The following WDR49 variants were observed in gnomAD, a reference collection of about 807,000 sequenced individuals.
WDR49 encodes the protein cilia- and flagella-associated protein 337.
Under a neutral mutation model 119.5 loss-of-function variants are expected in WDR49, and 107 were observed. The observed-to-expected ratio is 0.90, with a 90% CI of 0.77 to 1.05. The LOEUF is 1.05. WDR49 is among the 50% of genes least tolerant of loss of function. The pLI, the probability that WDR49 is intolerant of heterozygous loss-of-function variation, is 0.00. For synonymous variants in WDR49, 425 were observed against 418.8 expected (o/e 1.01, Z -0.18); for missense variants, 1,240 against 1,220.5 (o/e 1.02, Z -0.24).
At position 167,653,453 on chromosome 3, in the gene WDR49, T is replaced by G; in HGVS notation, c.-28A>C. On this transcript the variant is annotated 5_prime_UTR_variant, in exon 2 of 19. Coordinates refer to ENST00000682715, the MANE Select transcript of WDR49 (RefSeq NM_001366157.1). Reference sequence around the variant, plus strand: ...TGGCTTCACCTTTTCTCAGTTGCCTTCAACTATTTCTATAAGGATGGATCT... The same window carrying G: ...TGGCTTCACCTTTTCTCAGTTGCCTGCAACTATTTCTATAAGGATGGATCT... 6.8e-7 allele frequency: 1 copy of G among 1,461,418 alleles called. No homozygotes were observed. The highest frequency in any genetic ancestry group is 9.0e-7 in the Non-Finnish European group (1 of 1,114,106). 90.5% of individuals were successfully genotyped at this position (1,461,418 alleles called of 1,614,324 possible).
intron 10 of WDR49, among the ~76,000 whole-genome samples, chr3:167,550,005 G>A (rs1712454044): frequency 6.6e-6 from 1 of 152,148 alleles, no homozygotes; most frequent in African/African-American, 2.4e-5. Context: ...GATGGTTGTA[G>A]ATGTGTGGTA....
chr3:167,597,640 G>A (rs955091769), intron 7 of WDR49, among the ~76,000 whole-genome samples: 1 of 152,158 alleles, frequency 6.6e-6, no homozygotes, highest in Non-Finnish European at 1.5e-5. Flanking sequence ...AGAGCCACAG[G>A]AGCAAATCTC....
chr3:167,606,607 A>G (rs528300153), intron 5 of WDR49, among the ~76,000 whole-genome samples: 1 of 152,352 alleles, frequency 6.6e-6, no homozygotes, highest in African/African-American at 2.4e-5. Context: ...AGGAGAGAAC[A>G]GGATACAAAG....
intron 5 of WDR49, among the ~76,000 whole-genome samples, chr3:167,617,364 T>A (rs1716647190): frequency 6.6e-6 from 1 of 152,034 alleles, no homozygotes; most frequent in East Asian, 1.9e-4. Flanking sequence ...CTGTCTCTAC[T>A]AAAAATACAA....
At chr3:167,508,776 T>A (rs1003078038) in intron 16 of WDR49, among the ~76,000 whole-genome samples, 2 of 152,234 alleles carry the variant, frequency 1.3e-5, no homozygotes, top group Non-Finnish European at 2.9e-5. Context: ...GGATAGTTAT[T>A]GCCAGATTGT....
rs140917010 is a variant in WDR49 at position 167,534,292 on chromosome 3, T to C, written c.1955-1315A>G. Among the ~76,000 whole-genome samples the C allele has an allele frequency of 3.9e-5, 6 of 152,310 alleles. No individual in the cohort carries two copies. In the East Asian group the frequency reaches 9.7e-4, roughly 25 times the overall value. On this transcript the variant is annotated intron_variant, in intron 11 of 18. Coordinates refer to ENST00000682715, the MANE Select transcript of WDR49 (RefSeq NM_001366157.1). The stretch of plus-strand genomic sequence containing the variant: ...GTCCATAGAAATATCCATCTTCTCC[T>C]ATGCTTTACTAGCAGTGACTGACCA...
intron 3 of WDR49, among the ~76,000 whole-genome samples, chr3:167,624,975 C>A (rs1559922028): frequency 6.6e-6 from 1 of 151,976 alleles, no homozygotes; most frequent in Admixed American, 6.6e-5. Flanking sequence ...TCCTGGGTGA[C>A]TGAGGGCAAA....
rs531571460 is a variant in WDR49, at chr3:167,646,388, G to C, written c.165+6873C>G. ...TTTGGCCTCTGGGTTCTAAGACATG[G>C]GCAGTCTGATGTGTTTATAGTGGGA... On this transcript the variant is annotated intron_variant, in intron 2 of 18. Coordinates refer to ENST00000682715, the MANE Select transcript of WDR49 (RefSeq NM_001366157.1). 7.9e-5 allele frequency among the ~76,000 whole-genome samples: 12 copies of C among 152,250 alleles called. No individual in the cohort carries two copies. The South Asian group carries it at 2.5e-3, about 32-fold the overall frequency.
intron 7 of WDR49, among the ~76,000 whole-genome samples, chr3:167,587,324 G>C (rs1230007868): frequency 2.6e-5 from 4 of 152,044 alleles, no homozygotes; most frequent in African/African-American, 9.7e-5. Context: ...AATCTAACTA[G>C]GGCATCATAA....
intron 9 of WDR49, among the ~76,000 whole-genome samples, chr3:167,559,534 A>G (rs1202611652): frequency 2.6e-5 from 4 of 152,258 alleles, no homozygotes; most frequent in Non-Finnish European, 4.4e-5. Flanking sequence ...ATATAAAATC[A>G]TGTAAGTTTA....
At chr3:167,639,773 A>G (rs915379703) in intron 2 of WDR49, among the ~76,000 whole-genome samples, 2 of 151,664 alleles carry the variant, frequency 1.3e-5, no homozygotes, top group East Asian at 3.9e-4. Context: ...ACTTCAACCA[A>G]TCTCTGGTAA....
intron 8 of WDR49, among the ~76,000 whole-genome samples, chr3:167,572,454 G>C (rs1713986658): frequency 6.6e-6 from 1 of 152,162 alleles, no homozygotes; most frequent in Non-Finnish European, 1.5e-5. Flanking sequence ...CACAAGGGAA[G>C]GTTTTCATTA....
At chr3:167,626,133 T>C (rs2108326478) in intron 3 of WDR49, among the ~76,000 whole-genome samples, 1 of 152,104 alleles carries the variant, frequency 6.6e-6, no homozygotes, top group South Asian at 2.1e-4. Flanking sequence ...TTGGCTATGC[T>C]AAAATAGAGA....
intron 10 of WDR49, among the ~76,000 whole-genome samples, chr3:167,553,517 C>T (rs1046636347): frequency 2.6e-5 from 4 of 152,060 alleles, no homozygotes; most frequent in African/African-American, 9.7e-5. Flanking sequence ...ATGGCATTGC[C>T]AAGTTTTGAC....
intron 16 of WDR49, among the ~76,000 whole-genome samples, chr3:167,508,780 A>C (rs1201664615): frequency 6.6e-6 from 1 of 152,210 alleles, no homozygotes; most frequent in African/African-American, 2.4e-5. Context: ...AGTTATTGCC[A>C]GATTGTTGGT....
chr3:167,597,661 G>A (rs1430982432), intron 7 of WDR49, among the ~76,000 whole-genome samples: 1 of 152,118 alleles, frequency 6.6e-6, no homozygotes. Flanking sequence ...CCTACTCAAG[G>A]CCAGGGAGCC....
chr3:167,575,584 G>A (rs1160881865), intron 8 of WDR49, among the ~76,000 whole-genome samples: 1 of 152,198 alleles, frequency 6.6e-6, no homozygotes, highest in Non-Finnish European at 1.5e-5. Flanking sequence ...GGTGTTCATA[G>A]AATTTTACAA....
At chr3:167,616,144 G>T (rs1255347160) in intron 5 of WDR49, among the ~76,000 whole-genome samples, 1 of 152,144 alleles carries the variant, frequency 6.6e-6, no homozygotes, top group African/African-American at 2.4e-5. Flanking sequence ...TGTTTTTTGG[G>T]TGAATATCAC....
At chr3:167,654,890 C>A (rs544275974), upstream of WDR49, among the ~76,000 whole-genome samples, 9 of 151,340 alleles carry the variant, frequency 5.9e-5, no homozygotes, top group East Asian at 1.4e-3. Flanking sequence ...CAGAATGAGA[C>A]CCTGTCTCAA....
Sources: allele counts gnomAD v4.1 joint callset (sites outside exome capture counted in the v4.1 genomes callset), GRCh38; gene constraint gnomAD v4.1.1; transcripts MANE v1.5; gene names NCBI Gene and HGNC (gene_info 2026-07-23, HGNC 2026-07-21).